Variants in PRKCD observed in about 807,000 individuals in gnomAD.
The protein encoded by PRKCD is protein kinase C delta type.
PRKCD carries 20 observed loss-of-function variants against 82.2 expected under a neutral mutation model. The observed-to-expected ratio is 0.24, with a 90% confidence interval of 0.17 to 0.35. PRKCD has a LOEUF of 0.35. Ranked by LOEUF, PRKCD falls within the 10% of genes least tolerant of loss-of-function variation. The pLI, the probability that PRKCD is intolerant of heterozygous loss-of-function variation, is 1.00. For missense variants in PRKCD, 607 were observed against 899.0 expected (o/e 0.68, Z 4.15); for synonymous variants, 317 against 337.0 (o/e 0.94, Z 0.65).
intron 1 of PRKCD, among the ~76,000 whole-genome samples, chr3:53,164,313 G>A (rs531847873): frequency 3.3e-5 from 5 of 152,160 alleles, no homozygotes; most frequent in South Asian, 2.1e-4. Context: ...GTCTGGGCAC[G>A]GTGGCTCACA....
chr3:53,192,462 C>T lies in PRKCD; in HGVS notation c.*196C>T, dbSNP rs1005002198. On this transcript the variant is annotated 3_prime_UTR_variant, in exon 19 of 19. Transcript: ENST00000330452. Reference sequence around the variant, plus strand: ...TGTGAATCTGCTTTTCCTCTGCCTTCGGAGGGAAATTGTAAATCCTGTGTT... The same window carrying T: ...TGTGAATCTGCTTTTCCTCTGCCTTTGGAGGGAAATTGTAAATCCTGTGTT... The T allele has an allele frequency of 2.7e-5, 14 of 520,742 alleles. No individual in the cohort carries two copies. Among genetic ancestry groups the T allele is most frequent in the Admixed American group, 1.3e-4 (4 of 30,144 alleles). The allele number at this position is 520,742 out of a possible 1,614,324, so 32.3% of individuals were successfully genotyped here.
chr3:53,170,204 G>A (rs1380319860), intron 2 of PRKCD, among the ~76,000 whole-genome samples: 1 of 152,216 alleles, frequency 6.6e-6, no homozygotes, highest in East Asian at 1.9e-4. Flanking sequence ...TGATGGAGGA[G>A]CTGTTCCCAT....
At chr3:53,178,561 G>C in intron 3 of PRKCD, 24 bp downstream of exon 3, 5 of 1,591,774 alleles carry the variant, frequency 3.1e-6, no homozygotes, top group Non-Finnish European at 4.3e-6. Flanking sequence ...CTGGACCCTG[G>C]AGAGGGGCTG....
At chr3:53,183,273 C>A in intron 8 of PRKCD, 67 bp downstream of exon 8, 3 of 1,581,924 alleles carry the variant, frequency 1.9e-6, no homozygotes, top group Non-Finnish European at 2.6e-6. Context: ...GATTTGCACC[C>A]TCTCCCCACC....
intron 3 of PRKCD, 83 bp from the exon 4 acceptor site, chr3:53,179,494 T>C (rs782559856): frequency 6.4e-7 from 1 of 1,569,438 alleles, no homozygotes; most frequent in Non-Finnish European, 8.8e-7. Context: ...TCGGGCAGAT[T>C]CTGCCAGGGG....
At position 53,191,479 on chromosome 3, in the gene PRKCD, G is replaced by A. The variant is rs1415999291; in HGVS notation, c.1873-629G>A. On this transcript the variant is annotated intron_variant, in intron 18 of 18. Coordinates refer to ENST00000330452, the MANE Select transcript of PRKCD (RefSeq NM_006254.4). Reference sequence around the variant, plus strand: ...ATTCCATTAAAACCCAGTACAAGCCGAAATGATTGTACTTGCCAGTTCAGT... The same window carrying A: ...ATTCCATTAAAACCCAGTACAAGCCAAAATGATTGTACTTGCCAGTTCAGT... 3.3e-5 allele frequency among the ~76,000 whole-genome samples: 5 copies of A among 152,276 alleles called. No homozygotes were observed. In the East Asian group the frequency reaches 9.6e-4, roughly 29 times the overall value.
In PRKCD at chr3:53,183,206, A is replaced by G. The variant is rs1553668166; in HGVS notation, c.657A>G (p.Ile219Met). 8 of 1,613,954 alleles carry G rather than the reference A, an allele frequency of 5.0e-6. No individual in the cohort carries two copies. Among genetic ancestry groups the G allele is most frequent in the Non-Finnish European group, 6.8e-6 (8 of 1,179,872 alleles). ...TGTAANSRDT[I>M]FQKERFNIDM... ...CCGCGGCCAACAGCCGGGACACTAT[A>G]GTGAGCCTGGGTCCGGGGCAGGGCT... is the stretch of plus-strand genomic sequence containing the variant. Residue 219 changes from isoleucine (I) to methionine (M), a missense_variant and splice_region_variant, in exon 8 of 19, where the codon ATA becomes ATG. Ile to Met is a conservative substitution (Grantham distance 10). Transcript: ENST00000330452.
rs1703363074 is a variant in PRKCD at position 53,179,795 on chromosome 3, G to A, written c.315+19G>A. The A allele has an allele frequency of 3.3e-6, 5 of 1,503,458 alleles. No individual in the cohort carries two copies. The highest frequency in any genetic ancestry group is 2.7e-6 in the Non-Finnish European group (3 of 1,120,096). 93.1% of individuals were successfully genotyped at this position (1,503,458 alleles called of 1,614,324 possible). ...GTTCTGGGTAAGGGGCGCACGAGCC[G>A]TGCCGTGTGTGTGTGTGTGTGTGTC... is the stretch of plus-strand genomic sequence containing the variant. On this transcript the variant is annotated intron_variant, in intron 4 of 18. Transcript: ENST00000330452.
At chr3:53,168,538 T>A (rs1702907707) in intron 2 of PRKCD, among the ~76,000 whole-genome samples, 1 of 152,062 alleles carries the variant, frequency 6.6e-6, no homozygotes, top group South Asian at 2.1e-4. Context: ...CCTGGTTGAA[T>A]CCTTGCTCAA....
At chr3:53,192,063 C>G (rs1553671021) in intron 18 of PRKCD, 45 bp from the exon 19 acceptor site, 3 of 1,605,804 alleles carry the variant, frequency 1.9e-6, no homozygotes, top group Non-Finnish European at 1.7e-6. Flanking sequence ...GTCTGGAGGG[C>G]CATTCCCTAG....
rs782012522 is a variant in PRKCD, at chr3:53,184,861, T to G, written c.788-13T>G. The G allele has an allele frequency of 6.2e-7, 1 of 1,612,894 alleles. No individual in the cohort carries two copies. Among genetic ancestry groups the G allele is most frequent in the South Asian group, 1.1e-5 (1 of 91,050 alleles). On this transcript the variant is annotated splice_polypyrimidine_tract_variant and intron_variant, in intron 9 of 18. Transcript: ENST00000330452. ...GCTCTGAGACTGACAGCCCCGCTTC[T>G]CCCTCACCCCAGACTGCGGCATGAA...
chr3:53,185,435 C>T (rs1703636963), intron 10 of PRKCD, among the ~76,000 whole-genome samples, 169 bp from the exon 11 acceptor site: 1 of 152,220 alleles, frequency 6.6e-6, no homozygotes, highest in African/African-American at 2.4e-5. Context: ...CTCTGGGCTC[C>T]TGGAAGAGTG....
chr3:53,174,851 G>C (rs1411430274), intron 2 of PRKCD, among the ~76,000 whole-genome samples: 1 of 152,230 alleles, frequency 6.6e-6, no homozygotes, highest in Non-Finnish European at 1.5e-5. Flanking sequence ...TGGCAGTGCA[G>C]GTTTAGGGCT....
At chr3:53,188,946 G>A (rs1258713142) in intron 16 of PRKCD, 88 bp downstream of exon 16, 9 of 1,587,830 alleles carry the variant, frequency 5.7e-6, no homozygotes, top group East Asian at 4.5e-5. Flanking sequence ...GGGCAGTGAT[G>A]TCCAAGCCAA....
intron 4 of PRKCD, 91 bp from the exon 5 acceptor site, chr3:53,181,116 G>A: frequency 7.0e-7 from 1 of 1,425,536 alleles, no homozygotes; most frequent in Non-Finnish European, 9.6e-7. Context: ...CTTGGCCTTG[G>A]GGGACCAGCC....
intron 2 of PRKCD, among the ~76,000 whole-genome samples, chr3:53,167,263 G>A (rs1353734724): frequency 2.0e-5 from 3 of 152,200 alleles, no homozygotes; most frequent in Non-Finnish European, 2.9e-5. Context: ...TCTGGCCACC[G>A]GGTTAGGCTG....
Position 53,189,929 on chromosome 3 carries a change from C to T in PRKCD, c.1800C>T (p.His600=). Residue 600 remains histidine, a synonymous_variant, in exon 18 of 19, where the codon CAC becomes CAT. Transcript: ENST00000330452. ...GAGTGACCGGAAACATCAAAATCCA[C>T]CCCTTCTTCAAGACCATAAACTGGA... ...RLGVTGNIKI[H]PFFKTINWTL... is the part of the protein sequence containing the mutation. 3 of 1,614,200 alleles carry T rather than the reference C, an allele frequency of 1.9e-6. No individual in the cohort carries two copies. Among genetic ancestry groups the T allele is most frequent in the Non-Finnish European group, 2.5e-6 (3 of 1,180,014 alleles).
intron 18 of PRKCD, among the ~76,000 whole-genome samples, chr3:53,191,283 C>G (rs1189216037): frequency 6.6e-6 from 1 of 152,090 alleles, no homozygotes; most frequent in African/African-American, 2.4e-5. Context: ...TGGTGCACAC[C>G]TGTAATCCCA....
At chr3:53,180,872 C>T (rs1185633318) in intron 4 of PRKCD, among the ~76,000 whole-genome samples, 1 of 152,110 alleles carries the variant, frequency 6.6e-6, no homozygotes, top group Non-Finnish European at 1.5e-5. Flanking sequence ...CGGGTAGGGG[C>T]CTCCATTCTA....
Sources: allele counts gnomAD v4.1 joint callset (sites outside exome capture counted in the v4.1 genomes callset), GRCh38; gene constraint gnomAD v4.1.1; transcripts MANE v1.5; gene names NCBI Gene and HGNC (gene_info 2026-07-23, HGNC 2026-07-21).